Variants in ZMYND11 observed in about 807,000 individuals in gnomAD.
ZMYND11 encodes zinc finger MYND domain-containing protein 11.
A neutral mutation model predicts 84.9 loss-of-function variants in ZMYND11; 9 were observed. The ratio of observed to expected loss-of-function variants is 0.11; its 90% CI spans 0.06 to 0.18. ZMYND11 has a LOEUF of 0.18. Ranked by LOEUF, ZMYND11 falls within the 10% of genes least tolerant of loss-of-function variation. ZMYND11 has a pLI of 1.00. For synonymous variants in ZMYND11, 250 were observed against 244.1 expected, an observed-to-expected ratio of 1.02 and a Z score of -0.23; for missense variants, 409 against 761.0, an observed-to-expected ratio of 0.54 and a Z score of 5.44.
chr10:235,632 A>G (rs1235590277), intron 4 of ZMYND11, among the ~76,000 whole-genome samples: 2 of 152,194 alleles, frequency 1.3e-5, no homozygotes, highest in Non-Finnish European at 2.9e-5. Flanking sequence ...AGTTTAGTCC[A>G]TATCTCTGAT....
chr10:142,549 T>C (rs1410971522), intron 1 of ZMYND11, among the ~76,000 whole-genome samples: 1 of 152,190 alleles, frequency 6.6e-6, no homozygotes, highest in Non-Finnish European at 1.5e-5. Flanking sequence ...CCCAAGGTCA[T>C]AGAGACATAA....
At chr10:131,023 G>A (rs573465525), upstream of ZMYND11, among the ~76,000 whole-genome samples, 7 of 152,102 alleles carry the variant, frequency 4.6e-5, no homozygotes, top group Non-Finnish European at 1.0e-4. Flanking sequence ...AGGCTGAGGT[G>A]GGAGGATCGC....
intron 6 of ZMYND11, among the ~76,000 whole-genome samples, chr10:238,450 G>C (rs1218366207): frequency 6.6e-6 from 1 of 151,792 alleles, no homozygotes; most frequent in Non-Finnish European, 1.5e-5. Flanking sequence ...TCTGCCTCCC[G>C]GGTTCACGCC....
At chr10:167,813 T>C (rs1844359961) in intron 1 of ZMYND11, among the ~76,000 whole-genome samples, 1 of 152,186 alleles carries the variant, frequency 6.6e-6, no homozygotes, top group African/African-American at 2.4e-5. Context: ...AAGTTTTTTT[T>C]AATGTGGCAA....
At chr10:221,492 TGATACTCATAAATG>T in intron 4 of ZMYND11, 136 bp downstream of exon 4, 1 of 822,970 alleles carries the variant, frequency 1.2e-6, no homozygotes, top group Non-Finnish European at 1.9e-6. Context: ...AATGAAATGA[TGATACTCATAAATG>T]GACATCACAG....
chr10:227,096 G>A (rs945102710), intron 4 of ZMYND11, among the ~76,000 whole-genome samples: 5 of 152,096 alleles, frequency 3.3e-5, no homozygotes, highest in African/African-American at 1.2e-4. Flanking sequence ...ATGCAGATGA[G>A]GAAATAAAGA....
chr10:178,415 C>T (rs1847135088), intron 1 of ZMYND11, among the ~76,000 whole-genome samples: 4 of 152,080 alleles, frequency 2.6e-5, no homozygotes, highest in African/African-American at 9.7e-5. Context: ...TATTACAGTT[C>T]ACCATTAGAT....
intron 4 of ZMYND11, among the ~76,000 whole-genome samples, chr10:235,604 C>A (rs1320522081): frequency 1.3e-5 from 2 of 152,170 alleles, no homozygotes; most frequent in Non-Finnish European, 2.9e-5. Flanking sequence ...CGAGTGAAGC[C>A]CAGCCACGTT....
chr10:221,925 T>A (rs1289799181), intron 4 of ZMYND11, among the ~76,000 whole-genome samples: 1 of 152,142 alleles, frequency 6.6e-6, no homozygotes. Flanking sequence ...GTAAAAAAGG[T>A]ACTTTCCACA....
intron 2 of ZMYND11, among the ~76,000 whole-genome samples, chr10:184,998 G>A (rs772937661): frequency 7.9e-5 from 12 of 151,850 alleles, no homozygotes; most frequent in Non-Finnish European, 1.3e-4. Context: ...CTGTAATACC[G>A]GGCTTTGTCC....
At chr10:149,512 G>A (rs1371686679) in intron 1 of ZMYND11, among the ~76,000 whole-genome samples, 7 of 151,764 alleles carry the variant, frequency 4.6e-5, no homozygotes, top group African/African-American at 9.7e-5. Context: ...GGGTTTCACC[G>A]GGTTAGCCAG....
At chr10:133,886 C>T (rs527362720), upstream of ZMYND11, among the ~76,000 whole-genome samples, 3 of 152,294 alleles carry the variant, frequency 2.0e-5, no homozygotes, top group South Asian at 6.2e-4. Context: ...CTGTGAATAG[C>T]ATGAAAGATT....
intron 2 of ZMYND11, among the ~76,000 whole-genome samples, chr10:186,263 G>A (rs1417912148): frequency 6.6e-6 from 1 of 151,542 alleles, no homozygotes; most frequent in African/African-American, 2.4e-5. Context: ...TGCCCGCCTC[G>A]GCCTCCCAAA....
intron 2 of ZMYND11, among the ~76,000 whole-genome samples, chr10:181,315 G>A (rs1347012502): frequency 2.0e-5 from 3 of 152,142 alleles, no homozygotes; most frequent in African/African-American, 7.2e-5. Context: ...TGCTGGTGAA[G>A]AAGATTACAA....
chr10:252,543 A>C lies in ZMYND11; in HGVS notation c.*73A>C. ...AGCGGTTTTTGTTTCCAAGAAGCCAAAATTGTTTAGAATTTGCTTCCCATT... is the reference window on the plus strand; with the variant it reads ...AGCGGTTTTTGTTTCCAAGAAGCCACAATTGTTTAGAATTTGCTTCCCATT... On this transcript the variant is annotated 3_prime_UTR_variant, in exon 15 of 15. Transcript: ENST00000381604. The surrounding 1 kb of genome is among the most constrained non-coding windows in gnomAD (Gnocchi z 4.6). The C allele has an allele frequency of 6.6e-7, 1 of 1,525,320 alleles. No individual in the cohort carries two copies. The highest frequency in any genetic ancestry group is 2.3e-5 in the East Asian group (1 of 43,014). The allele number at this position is 1,525,320 out of a possible 1,614,324, so 94.5% of individuals were successfully genotyped here.
At chr10:243,896 G>A (rs1041571772) in intron 10 of ZMYND11, among the ~76,000 whole-genome samples, 3 of 152,144 alleles carry the variant, frequency 2.0e-5, no homozygotes, top group Admixed American at 6.5e-5. Flanking sequence ...GTGCTAATCT[G>A]CAGCAGTCCT....
At chr10:151,638 T>C (rs1554757091) in intron 1 of ZMYND11, among the ~76,000 whole-genome samples, 2 of 151,998 alleles carry the variant, frequency 1.3e-5, no homozygotes, top group Non-Finnish European at 2.9e-5. Context: ...TGGAAAACAC[T>C]CTGCAGGATA....
intron 1 of ZMYND11, among the ~76,000 whole-genome samples, chr10:170,831 T>C (rs1564310451): frequency 6.6e-6 from 1 of 152,100 alleles, no homozygotes; most frequent in African/African-American, 2.4e-5. Flanking sequence ...ATGGTAGATA[T>C]TAATCTAACT....
chr10:214,744 A>G (rs1945861798), intron 3 of ZMYND11, among the ~76,000 whole-genome samples: 1 of 152,166 alleles, frequency 6.6e-6, no homozygotes, highest in Non-Finnish European at 1.5e-5. Context: ...TGCTTGCTCT[A>G]GAGCAAGACA....
Sources: gnomAD v4.1 joint callset for allele counts (sites outside exome capture counted in the v4.1 genomes callset) on GRCh38, gnomAD v4.1.1 for gene constraint, Gnocchi (gnomAD v3.1) non-coding constraint, MANE v1.5 for transcripts, NCBI Gene and HGNC (gene_info 2026-07-23, HGNC 2026-07-21) for gene names.